The following ANTXR1 variants were observed in gnomAD, a reference collection of about 807,000 sequenced individuals.
ANTXR1 encodes the protein ANTXR cell adhesion molecule 1.
ANTXR1 carries 19 observed loss-of-function variants against 78.1 expected under a neutral mutation model. That is an observed-to-expected ratio of 0.24 (90% confidence interval 0.17 to 0.36). The LOEUF is 0.36. ANTXR1 is among the 10% of genes least tolerant of loss of function. The probability of loss-of-function intolerance (pLI) is 1.00; values close to 1 mark genes in which losing one functional copy is unlikely to be tolerated. For synonymous variants in ANTXR1, 273 were observed against 260.5 expected, an observed-to-expected ratio of 1.05 and a Z score of -0.46; for missense variants, 518 against 718.6, an observed-to-expected ratio of 0.72 and a Z score of 3.19.
chr2:69,105,392 G>C (rs558096673), intron 10 of ANTXR1, among the ~76,000 whole-genome samples: 1 of 152,262 alleles, frequency 6.6e-6, no homozygotes, highest in East Asian at 1.9e-4. Context: ...CATATTCTAT[G>C]CTGCAAGCAA....
Position 69,077,422 on chromosome 2 carries a change from G to A in ANTXR1, c.576G>A (p.Ala192=), listed in dbSNP as rs767796693. The A allele has an allele frequency of 5.6e-6, 9 of 1,613,958 alleles. No homozygotes were observed. Among genetic ancestry groups the A allele is most frequent in the Middle Eastern group, 1.6e-4 (1 of 6,084 alleles). The change falls in exon 8 of 18, where the codon GCG becomes GCA. Residue 192 remains alanine (A), a synonymous_variant. Coordinates refer to ENST00000303714, the MANE Select transcript of ANTXR1 (RefSeq NM_032208.3). ...TGTGTTCTCAGCTGGCCCGGATTGC[G>A]GACAGTAAGGATCATGTGTTTCCCG... The part of the protein sequence containing the change: ...DFNETQLARI[A]DSKDHVFPVN...
intron 12 of ANTXR1, among the ~76,000 whole-genome samples, chr2:69,135,374 G>T (rs1277505781): frequency 2.0e-5 from 3 of 152,098 alleles, no homozygotes; most frequent in Non-Finnish European, 4.4e-5. Flanking sequence ...GGTAGAACTA[G>T]AAGTTAAATC....
At chr2:69,178,608 T>G (rs1488162141) in intron 14 of ANTXR1, among the ~76,000 whole-genome samples, 1 of 151,982 alleles carries the variant, frequency 6.6e-6, no homozygotes, top group Non-Finnish European at 1.5e-5. Flanking sequence ...GAGGGAGAAC[T>G]GCCCCCGTGT....
chr2:69,024,809 CTT>C (rs1671294953), intron 1 of ANTXR1, among the ~76,000 whole-genome samples: 2 of 152,146 alleles, frequency 1.3e-5, no homozygotes, highest in South Asian at 2.1e-4. Flanking sequence ...TTATTGGTCT[CTT>C]TGCTTCATTT....
intron 3 of ANTXR1, among the ~76,000 whole-genome samples, chr2:69,047,649 A>G (rs760707740): frequency 3.3e-5 from 5 of 151,978 alleles, no homozygotes; most frequent in African/African-American, 1.2e-4. Flanking sequence ...TGGGGGGGGA[A>G]ATTCTGGACC....
intron 3 of ANTXR1, among the ~76,000 whole-genome samples, chr2:69,062,312 G>A (rs1347257131): frequency 1.3e-5 from 2 of 152,348 alleles, no homozygotes; most frequent in East Asian, 3.9e-4. Flanking sequence ...GCAGAGTAGA[G>A]ATAAATCACA....
Position 69,013,490 on chromosome 2 carries a change from G to A in ANTXR1, c.-10G>A, listed in dbSNP as rs903620662. The A allele has an allele frequency of 3.8e-6, 6 of 1,587,556 alleles. No individual in the cohort carries two copies. The African/African-American group carries it at 8.0e-5, about 21-fold the overall frequency. On this transcript the variant is annotated 5_prime_UTR_variant, in exon 1 of 18. Coordinates refer to ENST00000303714, the MANE Select transcript of ANTXR1 (RefSeq NM_032208.3). The surrounding 1 kb of genome is among the most constrained non-coding windows in gnomAD (Gnocchi z 5.0). ...AAGGAGCGGACCCTGCTCTCCCCGG[G>A]CTGCGGGCCATGGCCACGGCGGAGC...
chr2:69,047,367 C>G lies in ANTXR1; in HGVS notation c.296+2554C>G, dbSNP rs191584023. Among the ~76,000 whole-genome samples the G allele has an allele frequency of 3.4e-3, 347 of 103,288 alleles. 5 individuals are homozygous for G. The highest frequency in any genetic ancestry group is 0.024 in the African/African-American group (285 of 12,036). 67.8% of individuals were successfully genotyped at this position (103,288 alleles called of 152,430 possible). On this transcript the variant is annotated intron_variant, in intron 3 of 17. Transcript: ENST00000303714. Reference sequence around the variant, plus strand: ...GCCTACGATTTGTGTCTTTTATCTGCAAGCACTTTATCCTTTTTTATTTAT... The same window carrying G: ...GCCTACGATTTGTGTCTTTTATCTGGAAGCACTTTATCCTTTTTTATTTAT...
At chr2:69,145,081 T>C (rs1673184463) in intron 12 of ANTXR1, among the ~76,000 whole-genome samples, 1 of 152,156 alleles carries the variant, frequency 6.6e-6, no homozygotes, top group Admixed American at 6.5e-5. Context: ...GAGTTGGAGA[T>C]TTTGGCTGAG....
At chr2:69,131,223 A>G (rs1264408427) in intron 12 of ANTXR1, among the ~76,000 whole-genome samples, 1 of 152,162 alleles carries the variant, frequency 6.6e-6, no homozygotes, top group East Asian at 1.9e-4. Context: ...AAATAATTTT[A>G]GCTCAAGATG....
At chr2:69,161,655 T>G (rs115336199) in intron 13 of ANTXR1, among the ~76,000 whole-genome samples, 130 of 152,324 alleles carry the variant, frequency 8.5e-4, no homozygotes, top group African/African-American at 3.0e-3. Context: ...GTTGCCTACT[T>G]TCCCTTGATT....
In ANTXR1 at chr2:69,070,628, G is replaced by T. The variant is rs760816015; in HGVS notation, c.297-19G>T. 1.2e-6 allele frequency: 2 copies of T among 1,612,824 alleles called. No homozygotes were observed. The highest frequency in any genetic ancestry group is 1.7e-5 in the Admixed American group (1 of 60,020). ...AAAAAATACTCAAATAAGACTAACA[G>T]AGTGTCTTTGGATTTCAGAGAACAA... On this transcript the variant is annotated intron_variant, in intron 3 of 17. Transcript: ENST00000303714.
intron 6 of ANTXR1, among the ~76,000 whole-genome samples, chr2:69,074,582 G>T (rs1255935742): frequency 6.6e-6 from 1 of 152,196 alleles, no homozygotes; most frequent in Admixed American, 6.5e-5. Context: ...CCAACTGGAG[G>T]AGAAGAATCA....
At chr2:69,207,002 GA>G (rs1674921226) in intron 17 of ANTXR1, among the ~76,000 whole-genome samples, 1 of 152,302 alleles carries the variant, frequency 6.6e-6, no homozygotes, top group East Asian at 1.9e-4. Flanking sequence ...CTGCCCATAT[GA>G]AAATGCCAAT....
At chr2:69,132,577 A>G (rs1463393226) in intron 12 of ANTXR1, among the ~76,000 whole-genome samples, 1 of 152,188 alleles carries the variant, frequency 6.6e-6, no homozygotes, top group Admixed American at 6.5e-5. Flanking sequence ...CTTCCAACAT[A>G]ATAAAAAATT....
chr2:69,034,856 T>C (rs1217261311), intron 1 of ANTXR1, among the ~76,000 whole-genome samples: 3 of 152,212 alleles, frequency 2.0e-5, no homozygotes, highest in African/African-American at 4.8e-5. Context: ...ACTGACATGA[T>C]AAATGGCATG....
intron 17 of ANTXR1, among the ~76,000 whole-genome samples, chr2:69,239,441 A>G (rs1461110621): frequency 6.6e-6 from 1 of 152,160 alleles, no homozygotes; most frequent in African/African-American, 2.4e-5. Context: ...GTGTGGTGGC[A>G]CACGCCTGTA....
At chr2:69,070,608 A>G (rs995220107) in intron 3 of ANTXR1, 39 bp from the exon 4 acceptor site, 1 of 1,597,900 alleles carries the variant, frequency 6.3e-7, no homozygotes, top group Non-Finnish European at 8.6e-7. Context: ...AAAGTAAAAA[A>G]TACTCAAATA....
chr2:69,038,525 G>A (rs1300086209), intron 1 of ANTXR1, among the ~76,000 whole-genome samples: 2 of 152,126 alleles, frequency 1.3e-5, no homozygotes, highest in African/African-American at 4.8e-5. Context: ...AAAGAACAAA[G>A]GATAATATAA....
Sources: gnomAD v4.1 joint callset for allele counts (sites outside exome capture counted in the v4.1 genomes callset) on GRCh38, gnomAD v4.1.1 for gene constraint, Gnocchi (gnomAD v3.1) non-coding constraint, MANE v1.5 for transcripts, NCBI Gene and HGNC (gene_info 2026-07-23, HGNC 2026-07-21) for gene names.